The following CSMD1 variants were observed in gnomAD, a reference collection of about 807,000 sequenced individuals.
CSMD1 encodes CUB and Sushi multiple domains 1, also known as CUB and sushi domain-containing protein 1.
CSMD1 carries 213 observed loss-of-function variants against 417.5 expected under a neutral mutation model. That is an observed-to-expected ratio of 0.51 (90% confidence interval 0.46 to 0.57). CSMD1 has a LOEUF of 0.57. CSMD1 is among the 20% of genes least tolerant of loss of function. The pLI is 0.00. For synonymous variants in CSMD1, 2,862 were observed against 1,736.8 expected (o/e 1.65, Z -16.11); for missense variants, 6,923 against 4,529.7 (o/e 1.53, Z -15.17).
Position 3,388,448 on chromosome 8 carries a change from A to C in CSMD1, c.2594-766T>G, listed in dbSNP as rs148225603. On this transcript the variant is annotated intron_variant, in intron 17 of 69. Coordinates refer to ENST00000635120, the MANE Select transcript of CSMD1 (RefSeq NM_033225.6). ...ATTGTAATGTTTACATATGCGAAGAAATAAAAAATCCTTGTTATTGCTGTG... is the reference window on the plus strand; with the variant it reads ...ATTGTAATGTTTACATATGCGAAGACATAAAAAATCCTTGTTATTGCTGTG... 3.3e-5 allele frequency among the ~76,000 whole-genome samples: 5 copies of C among 152,328 alleles called. No homozygotes were observed. In the East Asian group the frequency reaches 9.6e-4, roughly 29 times the overall value.
chr8:4,647,148 A>G (rs1196090285), intron 1 of CSMD1, among the ~76,000 whole-genome samples: 2 of 152,306 alleles, frequency 1.3e-5, no homozygotes, highest in Non-Finnish European at 1.5e-5. Flanking sequence ...AAAAATCACA[A>G]ATGGGTTCAT....
intron 1 of CSMD1, among the ~76,000 whole-genome samples, chr8:4,749,172 T>G (rs1811148704): frequency 6.6e-6 from 1 of 152,234 alleles, no homozygotes; most frequent in African/African-American, 2.4e-5. Flanking sequence ...AAAGAAAATC[T>G]ATTGATTGAT....
At chr8:3,365,833 G>C (rs1462773394) in intron 20 of CSMD1, among the ~76,000 whole-genome samples, 1 of 152,166 alleles carries the variant, frequency 6.6e-6, no homozygotes, top group African/African-American at 2.4e-5. Context: ...CAAGGATTAG[G>C]GGTGTCGATC....
rs541359466 is a variant in CSMD1 at position 3,983,020 on chromosome 8, G to A, written c.818+14883C>T. On this transcript the variant is annotated intron_variant, in intron 5 of 69. Transcript: ENST00000635120. ...AGTTAGTAGCCCAAGACAGCACAGC[G>A]GGATAAATCATGGGGCCGGGATCCC... Among the ~76,000 whole-genome samples the A allele has an allele frequency of 1.9e-4, 29 of 152,186 alleles. No homozygotes were observed. The South Asian group carries it at 3.3e-3, about 17-fold the overall frequency.
chr8:4,478,056 C>T (rs772043130), intron 2 of CSMD1, among the ~76,000 whole-genome samples: 1 of 152,114 alleles, frequency 6.6e-6, no homozygotes, highest in African/African-American at 2.4e-5. Flanking sequence ...TAGCACTCCC[C>T]GAGTTAAAAC....
At chr8:4,416,499 C>G (rs1487625265) in intron 3 of CSMD1, among the ~76,000 whole-genome samples, 1 of 151,872 alleles carries the variant, frequency 6.6e-6, no homozygotes, top group South Asian at 2.1e-4. Context: ...ACTTTAGAAC[C>G]AAAATAATGA....
chr8:3,654,019 C>G (rs892825670), intron 7 of CSMD1, among the ~76,000 whole-genome samples: 1 of 152,056 alleles, frequency 6.6e-6, no homozygotes, highest in Admixed American at 6.6e-5. Context: ...AAGCAAATGT[C>G]ACTGCTTGGA....
chr8:3,022,463 G>C (rs1355553906), intron 51 of CSMD1, among the ~76,000 whole-genome samples: 2 of 152,210 alleles, frequency 1.3e-5, no homozygotes, highest in African/African-American at 2.4e-5. Context: ...CAAGCCACTA[G>C]CCTCTGTTCC....
At chr8:3,646,932 A>G (rs1291644349) in intron 7 of CSMD1, among the ~76,000 whole-genome samples, 1 of 152,172 alleles carries the variant, frequency 6.6e-6, no homozygotes, top group Non-Finnish European at 1.5e-5. Flanking sequence ...AAAAAAATTT[A>G]AAACCTCAAC....
intron 1 of CSMD1, among the ~76,000 whole-genome samples, chr8:4,832,513 C>T (rs1384474622): frequency 6.6e-6 from 1 of 152,082 alleles, no homozygotes; most frequent in Non-Finnish European, 1.5e-5. Context: ...GCAGAAGGAA[C>T]TGTGTGAGCT....
chr8:4,283,188 A>G (rs1300829144), intron 3 of CSMD1, among the ~76,000 whole-genome samples: 1 of 152,218 alleles, frequency 6.6e-6, no homozygotes, highest in Non-Finnish European at 1.5e-5. Context: ...TACAACATTT[A>G]AAAATTATAT....
chr8:4,952,875 G>A (rs1808846170), intron 1 of CSMD1, among the ~76,000 whole-genome samples: 1 of 152,082 alleles, frequency 6.6e-6, no homozygotes, highest in Non-Finnish European at 1.5e-5. Flanking sequence ...AGACTGTGAT[G>A]TTGTTAACAA....
chr8:3,911,481 T>C (rs1488489663), intron 5 of CSMD1, among the ~76,000 whole-genome samples: 5 of 150,432 alleles, frequency 3.3e-5, no homozygotes, highest in Admixed American at 6.6e-5. Context: ...TGAGCCAAGA[T>C]TGCGCCACTG....
At chr8:4,028,144 G>A (rs111369514) in intron 4 of CSMD1, among the ~76,000 whole-genome samples, 1 of 152,108 alleles carries the variant, frequency 6.6e-6, no homozygotes, top group African/African-American at 2.4e-5. Context: ...AAGAGAAAAT[G>A]AGCATTTTAG....
intron 4 of CSMD1, among the ~76,000 whole-genome samples, chr8:4,015,757 G>A (rs1404275575): frequency 6.6e-6 from 1 of 151,072 alleles, no homozygotes; most frequent in Non-Finnish European, 1.5e-5. Context: ...GACATGTTTA[G>A]GTGAATACTT....
At chr8:4,063,163 T>C (rs960722552) in intron 3 of CSMD1, among the ~76,000 whole-genome samples, 6 of 152,180 alleles carry the variant, frequency 3.9e-5, no homozygotes, top group African/African-American at 1.4e-4. Context: ...TTGGAAATGA[T>C]AAATGTTGAC....
At chr8:4,761,904 T>TATCAATCA (rs1335589353) in intron 1 of CSMD1, among the ~76,000 whole-genome samples, 1 of 91,474 alleles carries the variant, frequency 1.1e-5, no homozygotes, top group Admixed American at 1.3e-4. Flanking sequence ...CCTATCTATC[T>TATCAATCA]ATCTATCAAT....
At chr8:3,959,236 A>T (rs147910752) in intron 5 of CSMD1, among the ~76,000 whole-genome samples, 316 of 152,366 alleles carry the variant, frequency 2.1e-3, no homozygotes, top group African/African-American at 7.3e-3. Flanking sequence ...AGGGTGGGAC[A>T]CGTGTGTAAT....
intron 12 of CSMD1, among the ~76,000 whole-genome samples, chr8:3,462,638 T>G (rs954438967): frequency 6.6e-6 from 1 of 151,936 alleles, no homozygotes; most frequent in African/African-American, 2.4e-5. Flanking sequence ...TTATGGAGAG[T>G]TGTATAATTA....
Sources: allele counts gnomAD v4.1 joint callset (sites outside exome capture counted in the v4.1 genomes callset), GRCh38; gene constraint gnomAD v4.1.1; transcripts MANE v1.5; gene names NCBI Gene and HGNC (gene_info 2026-07-23, HGNC 2026-07-21).